The following ANGPTL6 variants were observed in gnomAD, a reference collection of about 807,000 sequenced individuals.
ANGPTL6 encodes the protein angiopoietin like 6, also known as angiopoietin-related protein 6.
Under a neutral mutation model 47.4 loss-of-function variants are expected in ANGPTL6, and 45 were observed. The observed-to-expected ratio is 0.95, with a 90% CI of 0.75 to 1.22. ANGPTL6 has a LOEUF of 1.22. ANGPTL6 is among the 50% of genes most tolerant of loss of function. The probability of loss-of-function intolerance (pLI) is 0.00; values close to 1 mark genes in which losing one functional copy is unlikely to be tolerated. For missense variants in ANGPTL6, 698 were observed against 669.4 expected, an observed-to-expected ratio of 1.04 and a Z score of -0.47; for synonymous variants, 290 against 295.9, an observed-to-expected ratio of 0.98 and a Z score of 0.20.
chr19:10,095,398 C>A (rs944735258), intron 2 of ANGPTL6, among the ~76,000 whole-genome samples: 1 of 151,798 alleles, frequency 6.6e-6, no homozygotes, highest in Non-Finnish European at 1.5e-5. Context: ...GGAGACAGAG[C>A]GAGACTCCAT....
chr19:10,096,910 A>G (rs1436004971), intron 1 of ANGPTL6, among the ~76,000 whole-genome samples: 6 of 145,186 alleles, frequency 4.1e-5, no homozygotes, highest in Admixed American at 3.5e-4. Context: ...CCTGGGCAAC[A>G]TGGGGAGACC....
At chr19:10,102,115 C>CAAAAAAAA (rs111902676) in intron 1 of ANGPTL6, among the ~76,000 whole-genome samples, 1 of 43,766 alleles carries the variant, frequency 2.3e-5, no homozygotes, top group African/African-American at 9.0e-5. Context: ...GACTCTGTCT[C>CAAAAAAAA]AAAAAAAAAA....
In ANGPTL6 at chr19:10,094,795, C is replaced by A. The variant is rs951718837; in HGVS notation, c.726G>T (p.Met242Ile). The A allele has an allele frequency of 3.1e-6, 5 of 1,614,228 alleles. No homozygotes were observed. In the South Asian group the frequency reaches 5.5e-5, roughly 18 times the overall value. The change falls in exon 3 of 6, where the codon ATG (methionine) becomes ATT (isoleucine). Residue 242 changes from methionine (M) to isoleucine (I), a missense_variant. Transcript: ENST00000253109. ...QRQQEPMASP[M>I]PAGHPAVPTK... is the part of the protein sequence containing the mutation. ...TGGGGACCGCAGGGTGACCTGCAGGCATGGGAGAAGCCATGGGCTCCTGCT... is the reference window on the plus strand; with the variant it reads ...TGGGGACCGCAGGGTGACCTGCAGGAATGGGAGAAGCCATGGGCTCCTGCT...
At chr19:10,105,920 G>A (rs2088808465), upstream of ANGPTL6, among the ~76,000 whole-genome samples, 1 of 152,218 alleles carries the variant, frequency 6.6e-6, no homozygotes, top group Non-Finnish European at 1.5e-5. Context: ...GGGGAGGACA[G>A]CTGGCCCAGA....
intron 1 of ANGPTL6, among the ~76,000 whole-genome samples, chr19:10,102,033 G>A (rs1288710097): frequency 6.8e-6 from 1 of 146,260 alleles, no homozygotes; most frequent in African/African-American, 2.5e-5. Context: ...GGAGAATGGC[G>A]TGAACCCGGA....
Position 10,093,594 on chromosome 19 carries a change from T to G in ANGPTL6, c.977A>C (p.Glu326Ala). The G allele has an allele frequency of 6.2e-7, 1 of 1,613,744 alleles. No homozygotes were observed. Among genetic ancestry groups the G allele is most frequent in the Non-Finnish European group, 8.5e-7 (1 of 1,179,766 alleles). The change falls in exon 5 of 6, where the codon GAA becomes GCA. Residue 326 changes from glutamate (E) to alanine (A), a missense_variant. Coordinates refer to ENST00000253109, the MANE Select transcript of ANGPTL6 (RefSeq NM_031917.3). ...CACGGGTTCAAGGCCCAGCCAGTAT[T>G]CTCCGTCTGGCCGCCCAAAGCCCGC... ...YKAGFGRPDG[E>A]YWLGLEPVYQ...
chr19:10,103,634 A>ATAAT (rs1568477144), upstream of ANGPTL6, among the ~76,000 whole-genome samples: 2 of 144,748 alleles, frequency 1.4e-5, no homozygotes, highest in African/African-American at 2.5e-5. Context: ...TAATAAATAA[A>ATAAT]TAATAATAAA....
chr19:10,099,770 T>C (rs535414873), intron 1 of ANGPTL6, among the ~76,000 whole-genome samples: 2 of 151,652 alleles, frequency 1.3e-5, no homozygotes, highest in Admixed American at 1.3e-4. Flanking sequence ...CAGCGCTCCT[T>C]GAACAGCAGA....
At chr19:10,104,197 CTG>C (rs1369342407), upstream of ANGPTL6, among the ~76,000 whole-genome samples, 1 of 151,566 alleles carries the variant, frequency 6.6e-6, no homozygotes, top group East Asian at 1.9e-4. Flanking sequence ...ATATTCAACA[CTG>C]TGAGACAAAA....
chr19:10,096,604 G>T, intron 1 of ANGPTL6, 31 bp from the exon 2 acceptor site: 4 of 1,442,692 alleles, frequency 2.8e-6, no homozygotes, highest in Non-Finnish European at 3.6e-6. Context: ...GAAGGAAGAC[G>T]GGGTGCTGGG....
chr19:10,095,057 G>A (rs1599284854), intron 2 of ANGPTL6, 119 bp from the exon 3 acceptor site: 3 of 1,078,802 alleles, frequency 2.8e-6, no homozygotes, highest in South Asian at 3.4e-5. Flanking sequence ...ACATCTGGCA[G>A]TGGGGGTGTC....
chr19:10,099,495 T>G (rs2145180450), intron 1 of ANGPTL6, among the ~76,000 whole-genome samples: 1 of 147,844 alleles, frequency 6.8e-6, no homozygotes, highest in Non-Finnish European at 1.5e-5. Context: ...GAGAATGGCT[T>G]GAACCCGGGA....
chr19:10,098,460 G>C (rs1264917354), intron 1 of ANGPTL6, among the ~76,000 whole-genome samples: 1 of 152,192 alleles, frequency 6.6e-6, no homozygotes, highest in Admixed American at 6.5e-5. Context: ...TGGAGGAGCA[G>C]ATCTAAGTGC....
At chr19:10,098,736 A>C (rs2088604786) in intron 1 of ANGPTL6, among the ~76,000 whole-genome samples, 1 of 151,866 alleles carries the variant, frequency 6.6e-6, no homozygotes, top group African/African-American at 2.4e-5. Flanking sequence ...AGGCAGGAGA[A>C]TCACTTGAAC....
In ANGPTL6 at chr19:10,093,527, G is replaced by A. The variant is rs2145165994; in HGVS notation, c.1044C>T (p.Leu348=). 4.3e-6 allele frequency: 7 copies of A among 1,614,168 alleles called. No homozygotes were observed. Among genetic ancestry groups the A allele is most frequent in the East Asian group, 2.2e-5 (1 of 44,884 alleles). ...CTCCACGGCCCCCCCAGTCCTCCAGGAGAACCAGCAGCTCATGGTCCCCAC... is the reference window on the plus strand; with the variant it reads ...CTCCACGGCCCCCCCAGTCCTCCAGAAGAACCAGCAGCTCATGGTCCCCAC... ...TSRGDHELLV[L]LEDWGGRGAR... is the part of the protein sequence containing the mutation. The change falls in exon 5 of 6, where the codon CTC becomes CTT. Residue 348 remains leucine, a synonymous_variant. Transcript: ENST00000253109.
intron 1 of ANGPTL6, among the ~76,000 whole-genome samples, chr19:10,099,079 C>T (rs2088614710): frequency 6.6e-6 from 1 of 152,148 alleles, no homozygotes; most frequent in African/African-American, 2.4e-5. Context: ...CCTGAATTCC[C>T]AGCTCAAGAC....
rs2088448597 is a variant in ANGPTL6, at chr19:10,093,492, T to C, written c.1079A>G (p.His360Arg). The C allele has an allele frequency of 6.2e-7, 1 of 1,614,204 alleles. No individual in the cohort carries two copies. Among genetic ancestry groups the C allele is most frequent in the African/African-American group, 1.3e-5 (1 of 75,054 alleles). ...GGGTTCCAGGGAGAAGCCATCATAG[T>C]GGGCACGTGCTCCACGGCCCCCCCA... Reference protein sequence around the residue: ...EDWGGRGARAHYDGFSLEPES... With the variant: ...EDWGGRGARARYDGFSLEPES... The change falls in exon 5 of 6, where the codon CAC (histidine) becomes CGC (arginine). Residue 360 changes from histidine to arginine, a missense_variant. Coordinates refer to ENST00000253109, the MANE Select transcript of ANGPTL6 (RefSeq NM_031917.3).
upstream of ANGPTL6, chr19:10,106,161 T>A: frequency 1.5e-6 from 1 of 686,538 alleles, no homozygotes; most frequent in Non-Finnish European, 2.3e-6. Flanking sequence ...AACCGGCGGA[T>A]TCGTTTCTCT....
rs775165093 is a variant in ANGPTL6, at chr19:10,093,855, G to A, written c.789C>T (p.Ala263=). 6.2e-7 allele frequency: 1 copy of A among 1,610,584 alleles called. No individual in the cohort carries two copies. Among genetic ancestry groups the A allele is most frequent in the South Asian group, 1.1e-5 (1 of 91,088 alleles). Residue 263 remains alanine, a synonymous_variant, in exon 4 of 6, where the codon GCC becomes GCT. Coordinates refer to ENST00000253109, the MANE Select transcript of ANGPTL6 (RefSeq NM_031917.3). The part of the protein sequence containing the change: ...PVGPWQDCAE[A]RQAGHEQSGV... ...CACTCTGTTCATGGCCTGCCTGGCG[G>A]GCCTCTGCACAATCCTGCCACGGGC...
Sources: gnomAD v4.1 joint callset for allele counts (sites outside exome capture counted in the v4.1 genomes callset) on GRCh38, gnomAD v4.1.1 for gene constraint, MANE v1.5 for transcripts, NCBI Gene and HGNC (gene_info 2026-07-23, HGNC 2026-07-21) for gene names.